Variants in ASAP1 observed in about 807,000 individuals in gnomAD.
The protein encoded by ASAP1 is ArfGAP with SH3 domain, ankyrin repeat and PH domain 1, also known as arf-GAP with SH3 domain, ANK repeat and PH domain-containing protein 1.
ASAP1 carries 43 observed loss-of-function variants against 145.2 expected under a neutral mutation model. The ratio of observed to expected loss-of-function variants is 0.30; its 90% CI spans 0.23 to 0.38. The LOEUF is 0.38. Ranked by LOEUF, ASAP1 falls within the 10% of genes least tolerant of loss-of-function variation. The pLI, the probability that ASAP1 is intolerant of heterozygous loss-of-function variation, is 1.00. For missense variants in ASAP1, 1,018 were observed against 1,355.3 expected, an observed-to-expected ratio of 0.75 and a Z score of 3.91; for synonymous variants, 546 against 515.5, an observed-to-expected ratio of 1.06 and a Z score of -0.80.
intron 1 of ASAP1, among the ~76,000 whole-genome samples, chr8:130,443,087 G>T (rs147167267): frequency 0.079 from 12,077 of 152,102 alleles, 517 homozygotes; most frequent in African/African-American, 0.11. Context: ...CCCCATCGGC[G>T]GGGTCCGGGC....
At position 130,430,622 on chromosome 8, in the gene ASAP1, G is replaced by A. The variant is rs546611677; in HGVS notation, c.-28+12838C>T. Among the ~76,000 whole-genome samples, 30 of 152,330 alleles carry A rather than the reference G, an allele frequency of 2.0e-4. No individual in the cohort carries two copies. The South Asian group carries it at 6.2e-3, about 32-fold the overall frequency. ...AAGGAGATTTCCCTGAGGCAGCTCA[G>A]AGGATGGGCTGAGGGCAGTGAGGTA... On this transcript the variant is annotated intron_variant, in intron 1 of 29. Transcript: ENST00000518721.
At chr8:130,326,031 C>T (rs987027298) in intron 3 of ASAP1, among the ~76,000 whole-genome samples, 3 of 152,140 alleles carry the variant, frequency 2.0e-5, no homozygotes, top group South Asian at 2.1e-4. Flanking sequence ...ACTGCCATGG[C>T]GGAGCTGGCT....
intron 4 of ASAP1, among the ~76,000 whole-genome samples, chr8:130,231,904 C>A (rs1185867235): frequency 6.6e-6 from 1 of 152,230 alleles, no homozygotes; most frequent in African/African-American, 2.4e-5. Context: ...GCCAGCCCCA[C>A]TCCTACTGTA....
chr8:130,380,707 G>C (rs992529835), intron 2 of ASAP1, among the ~76,000 whole-genome samples: 9 of 152,196 alleles, frequency 5.9e-5, no homozygotes, highest in African/African-American at 2.2e-4. Flanking sequence ...CAGGAAAAAA[G>C]TTAAAAGGAA....
chr8:130,087,072 C>T (rs2097494934), intron 25 of ASAP1, among the ~76,000 whole-genome samples: 1 of 152,160 alleles, frequency 6.6e-6, no homozygotes, highest in South Asian at 2.1e-4. Flanking sequence ...GCATGGGGGA[C>T]TGGGCGGGGC....
chr8:130,417,417 A>C (rs1744205552), intron 1 of ASAP1, among the ~76,000 whole-genome samples: 1 of 152,190 alleles, frequency 6.6e-6, no homozygotes, highest in Non-Finnish European at 1.5e-5. Flanking sequence ...GGGTCGGGAC[A>C]TTCCATTGTC....
At chr8:130,109,917 A>G (rs1375571145) in intron 24 of ASAP1, among the ~76,000 whole-genome samples, 1 of 151,938 alleles carries the variant, frequency 6.6e-6, no homozygotes, top group Non-Finnish European at 1.5e-5. Context: ...CATGAAGAAC[A>G]CTCTTGGTTT....
At chr8:130,438,457 C>A (rs1257545053) in intron 1 of ASAP1, among the ~76,000 whole-genome samples, 1 of 152,096 alleles carries the variant, frequency 6.6e-6, no homozygotes, top group Non-Finnish European at 1.5e-5. Context: ...AGCTTTGGAA[C>A]AAGGTTTTAG....
intron 3 of ASAP1, among the ~76,000 whole-genome samples, chr8:130,275,086 G>C (rs1022485093): frequency 6.6e-6 from 1 of 152,176 alleles, no homozygotes; most frequent in Admixed American, 6.5e-5. Flanking sequence ...TGTGAAACAG[G>C]AATGAATAAT....
chr8:130,070,039 CTT>C (rs906972146), intron 27 of ASAP1, among the ~76,000 whole-genome samples: 1 of 151,534 alleles, frequency 6.6e-6, no homozygotes, highest in South Asian at 2.1e-4. Flanking sequence ...GACTGCATCT[CTT>C]TTTTTTTGTT....
At chr8:130,072,892 G>C (rs1333275868) in intron 27 of ASAP1, among the ~76,000 whole-genome samples, 2 of 148,424 alleles carry the variant, frequency 1.3e-5, no homozygotes, top group African/African-American at 5.0e-5. Context: ...TCTTCAGGTA[G>C]ACAGTGTCGG....
chr8:130,269,629 A>G (rs770141988), intron 3 of ASAP1, among the ~76,000 whole-genome samples: 4 of 152,188 alleles, frequency 2.6e-5, no homozygotes, highest in Non-Finnish European at 5.9e-5. Context: ...CTAGGTTTTG[A>G]TAACTATGTG....
intron 2 of ASAP1, among the ~76,000 whole-genome samples, chr8:130,367,553 C>G (rs58012966): frequency 0.14 from 21,854 of 152,122 alleles, 2,428 homozygotes; most frequent in African/African-American, 0.31. Flanking sequence ...GGGAGGTAGG[C>G]TCCTTTTCCT....
intron 3 of ASAP1, among the ~76,000 whole-genome samples, chr8:130,318,052 G>A (rs1328396996): frequency 6.6e-6 from 1 of 152,188 alleles, no homozygotes; most frequent in African/African-American, 2.4e-5. Flanking sequence ...AGACAAAAAG[G>A]AATAGCACTT....
chr8:130,125,027 G>A (rs1002625033), intron 17 of ASAP1, among the ~76,000 whole-genome samples: 2 of 152,170 alleles, frequency 1.3e-5, no homozygotes, highest in African/African-American at 4.8e-5. Flanking sequence ...CTTAGTGAAC[G>A]CTCAGATGAC....
chr8:130,199,516 T>C (rs1815730617), intron 5 of ASAP1, among the ~76,000 whole-genome samples: 1 of 152,200 alleles, frequency 6.6e-6, no homozygotes, highest in Non-Finnish European at 1.5e-5. Flanking sequence ...CCTCCCATCC[T>C]GCAGCTGTTA....
intron 1 of ASAP1, among the ~76,000 whole-genome samples, chr8:130,408,208 G>A (rs1216845130): frequency 6.6e-6 from 1 of 152,140 alleles, no homozygotes; most frequent in Non-Finnish European, 1.5e-5. Context: ...AACTTGACTG[G>A]GCTAAAGGAT....
chr8:130,195,203 G>C (rs1471380401), intron 5 of ASAP1: 2 of 151,808 alleles, frequency 1.3e-5, no homozygotes, highest in African/African-American at 2.4e-5. Flanking sequence ...GTTTTTTAAA[G>C]TGCATTTTTT....
At chr8:130,171,107 C>G (rs764268814) in intron 9 of ASAP1, among the ~76,000 whole-genome samples, 40 of 152,216 alleles carry the variant, frequency 2.6e-4, no homozygotes, top group Non-Finnish European at 4.9e-4. Flanking sequence ...AGTTTACGTT[C>G]TGACCCTTGA....
Sources: gnomAD v4.1 joint callset for allele counts (sites outside exome capture counted in the v4.1 genomes callset) on GRCh38, gnomAD v4.1.1 for gene constraint, MANE v1.5 for transcripts, NCBI Gene and HGNC (gene_info 2026-07-23, HGNC 2026-07-21) for gene names.